The following PARN variants were observed in gnomAD, a reference collection of about 807,000 sequenced individuals.
PARN encodes poly(A)-specific ribonuclease PARN.
In PARN, 71 loss-of-function variants were observed where a neutral mutation model predicts 102.8. That is an observed-to-expected ratio of 0.69 (90% CI 0.57 to 0.84). The LOEUF (loss-of-function observed/expected upper bound fraction) is 0.84, where lower values mean the gene tolerates loss of function less well. PARN is among the 40% of genes least tolerant of loss of function. The pLI is 0.00. For synonymous variants in PARN, 261 were observed against 252.9 expected, an observed-to-expected ratio of 1.03 and a Z score of -0.30; for missense variants, 782 against 760.9, an observed-to-expected ratio of 1.03 and a Z score of -0.33.
At chr16:14,616,284 T>C (rs372365058) in intron 6 of PARN, among the ~76,000 whole-genome samples, 2 of 152,146 alleles carry the variant, frequency 1.3e-5, no homozygotes, top group East Asian at 1.9e-4. Flanking sequence ...CTCCCTGATG[T>C]AGAAGAGAAA....
In PARN at chr16:14,617,626, T is replaced by A; in HGVS notation, c.352A>T (p.Ser118Cys). ...CQSSSIDFLA[S>C]QGFDFNKVFR... ...ACTTTATTAAAATCAAATCCCTGGCTTGCTAGAAAGTCAATGCTGGAGCTC... is the reference window on the plus strand; with the variant it reads ...ACTTTATTAAAATCAAATCCCTGGCATGCTAGAAAGTCAATGCTGGAGCTC... Residue 118 changes from serine to cysteine, a missense_variant, in exon 6 of 24, where the codon AGC becomes TGC. Physicochemically the swap from Ser to Cys is moderately radical, Grantham distance 112 (BLOSUM62 -1). Coordinates refer to ENST00000437198, the MANE Select transcript of PARN (RefSeq NM_002582.4). 11 of 1,598,438 alleles carry A rather than the reference T, an allele frequency of 6.9e-6. No individual in the cohort carries two copies. The highest frequency in any genetic ancestry group is 7.7e-6 in the Non-Finnish European group (9 of 1,165,740).
At chr16:14,629,032 T>C (rs1040810565) in intron 2 of PARN, among the ~76,000 whole-genome samples, 1 of 152,198 alleles carries the variant, frequency 6.6e-6, no homozygotes, top group African/African-American at 2.4e-5. Flanking sequence ...CCCTAGCCGG[T>C]CACAAAAGGG....
intron 21 of PARN, among the ~76,000 whole-genome samples, 161 bp downstream of exon 21, chr16:14,551,860 T>A (rs977836030): frequency 2.0e-5 from 3 of 152,236 alleles, no homozygotes; most frequent in African/African-American, 7.2e-5. Context: ...CTATACATGA[T>A]ACTTACTAAT....
intron 18 of PARN, chr16:14,558,551 A>G (rs1967854191): frequency 6.6e-6 from 1 of 152,198 alleles, no homozygotes; most frequent in African/African-American, 2.4e-5. Context: ...ACTGAGAAGA[A>G]CAAAAGTTGA....
At chr16:14,551,633 A>T (rs1409793169) in intron 21 of PARN, among the ~76,000 whole-genome samples, 1 of 150,866 alleles carries the variant, frequency 6.6e-6, no homozygotes, top group East Asian at 1.9e-4. Context: ...AATGGAGTGA[A>T]TAAATCTCAA....
intron 21 of PARN, among the ~76,000 whole-genome samples, chr16:14,534,257 A>G (rs918673346): frequency 1.3e-5 from 2 of 151,940 alleles, no homozygotes; most frequent in Non-Finnish European, 2.9e-5. Context: ...CTTAAAGAAT[A>G]ATACTGCAGG....
chr16:14,580,998 GA>G, intron 17 of PARN, 55 bp from the exon 18 acceptor site: 1 of 1,051,012 alleles, frequency 9.5e-7, no homozygotes, highest in Non-Finnish European at 1.5e-6. Flanking sequence ...GACCAAGCCT[GA>G]AAGTTCAGAC....
intron 11 of PARN, among the ~76,000 whole-genome samples, chr16:14,602,463 T>C (rs182950303): frequency 2.0e-4 from 31 of 152,200 alleles, no homozygotes; most frequent in African/African-American, 7.2e-4. Flanking sequence ...TAAGAGGACA[T>C]CCACCCTTGC....
At position 14,617,075 on chromosome 16, in the gene PARN, T is replaced by TA. The variant is rs1384908122; in HGVS notation, c.388+514_388+515insT. On this transcript the variant is annotated intron_variant, in intron 6 of 23. Coordinates refer to ENST00000437198, the MANE Select transcript of PARN (RefSeq NM_002582.4). ...GGCTGATTATGTTTTTTGTTTTTTT[T>TA]TAAAAAAAAAAAAAAAAGATCACAG... Among the ~76,000 whole-genome samples, 344 of 148,830 alleles carry TA rather than the reference T, an allele frequency of 2.3e-3. 1 individual carries two copies. The highest frequency in any genetic ancestry group is 4.0e-3 in the Non-Finnish European group (266 of 67,122).
intron 21 of PARN, among the ~76,000 whole-genome samples, chr16:14,514,005 T>C (rs146239517): frequency 7.6e-4 from 116 of 152,256 alleles, no homozygotes; most frequent in Middle Eastern, 3.4e-3. Flanking sequence ...TGAGCACTAG[T>C]GCACATAAGG....
intron 21 of PARN, among the ~76,000 whole-genome samples, chr16:14,506,146 T>C (rs1481586655): frequency 6.6e-6 from 1 of 152,198 alleles, no homozygotes; most frequent in African/African-American, 2.4e-5. Flanking sequence ...ATCTGAATCT[T>C]ATCATGAGAC....
intron 21 of PARN, among the ~76,000 whole-genome samples, chr16:14,545,353 G>A (rs2086558861): frequency 6.6e-6 from 1 of 152,116 alleles, no homozygotes; most frequent in Non-Finnish European, 1.5e-5. Context: ...AGTCACAACA[G>A]AATGAAATTA....
At chr16:14,521,133 A>G (rs1243801087) in intron 21 of PARN, among the ~76,000 whole-genome samples, 1 of 152,236 alleles carries the variant, frequency 6.6e-6, no homozygotes, top group Non-Finnish European at 1.5e-5. Flanking sequence ...TTTCAGCTCT[A>G]TCAAGGGCTT....
At chr16:14,503,864 T>C (rs1964747600) in intron 21 of PARN, among the ~76,000 whole-genome samples, 1 of 152,242 alleles carries the variant, frequency 6.6e-6, no homozygotes, top group South Asian at 2.1e-4. Context: ...AAATTCAAGA[T>C]GTTTCAATCA....
intron 5 of PARN, among the ~76,000 whole-genome samples, chr16:14,624,473 C>T (rs1972516182): frequency 1.3e-5 from 2 of 152,166 alleles, no homozygotes; most frequent in Admixed American, 1.3e-4. Context: ...ATCTTCAAGT[C>T]TATGATAGCT....
At chr16:14,505,833 C>G (rs1048770948) in intron 21 of PARN, among the ~76,000 whole-genome samples, 1 of 152,092 alleles carries the variant, frequency 6.6e-6, no homozygotes, top group Non-Finnish European at 1.5e-5. Flanking sequence ...GACATCCTTG[C>G]ACAAAGAGGT....
intron 21 of PARN, among the ~76,000 whole-genome samples, chr16:14,526,774 C>G (rs1012179388): frequency 1.3e-5 from 2 of 152,216 alleles, no homozygotes; most frequent in Non-Finnish European, 2.9e-5. Flanking sequence ...TACTTGGAGC[C>G]GTCCACGGTC....
chr16:14,514,422 A>G lies in PARN; in HGVS notation c.1481-31595T>C, dbSNP rs570583311. Among the ~76,000 whole-genome samples, 7 of 152,056 alleles carry G rather than the reference A, an allele frequency of 4.6e-5. No individual in the cohort carries two copies. The South Asian group carries it at 1.2e-3, about 27-fold the overall frequency. On this transcript the variant is annotated intron_variant, in intron 21 of 23. Transcript: ENST00000437198. Reference sequence around the variant, plus strand: ...AGGATGATCTCGATCTCCTGACCTCATGATCCACCCGCCTCAGCCTCCCAA... The same window carrying G: ...AGGATGATCTCGATCTCCTGACCTCGTGATCCACCCGCCTCAGCCTCCCAA...
At chr16:14,443,961 C>A (rs943931909) in intron 23 of PARN, among the ~76,000 whole-genome samples, 2 of 152,164 alleles carry the variant, frequency 1.3e-5, no homozygotes, top group African/African-American at 2.4e-5. Context: ...CCCGCCACCA[C>A]CCGAACCAGA....
Sources: gnomAD v4.1 joint callset for allele counts (sites outside exome capture counted in the v4.1 genomes callset) on GRCh38, gnomAD v4.1.1 for gene constraint, MANE v1.5 for transcripts, NCBI Gene and HGNC (gene_info 2026-07-23, HGNC 2026-07-21) for gene names.